The following FHOD3 variants were observed in gnomAD, a reference collection of about 807,000 sequenced individuals.
The protein encoded by FHOD3 is FH1/FH2 domain-containing protein 3.
A neutral mutation model predicts 173.0 loss-of-function variants in FHOD3; 90 were observed. The ratio of observed to expected loss-of-function variants is 0.52; its 90% confidence interval spans 0.44 to 0.62. FHOD3 has a LOEUF of 0.62. FHOD3 is among the 20% of genes least tolerant of loss of function. The pLI is 0.00. For missense variants in FHOD3, 1,945 were observed against 2,034.7 expected (o/e 0.96, Z 0.85); for synonymous variants, 828 against 823.0 (o/e 1.01, Z -0.10).
chr18:36,672,136 T>A (rs1012180352), intron 14 of FHOD3, among the ~76,000 whole-genome samples: 2 of 152,162 alleles, frequency 1.3e-5, no homozygotes, highest in Non-Finnish European at 2.9e-5. Context: ...TGCTAATAGG[T>A]CATATTGTAA....
At chr18:36,550,303 A>G (rs1447042794) in intron 5 of FHOD3, among the ~76,000 whole-genome samples, 1 of 143,656 alleles carries the variant, frequency 7.0e-6, no homozygotes, top group Non-Finnish European at 1.5e-5. Context: ...CATACCATTG[A>G]TCTGTTTGCC....
At chr18:36,769,145 C>G in intron 27 of FHOD3, 120 bp from the exon 28 acceptor site, 3 of 1,192,354 alleles carry the variant, frequency 2.5e-6, no homozygotes, top group Non-Finnish European at 3.6e-6. Flanking sequence ...GGGGCTTTAA[C>G]TCTGGCCTTC....
At chr18:36,416,126 G>A (rs1184059515) in intron 3 of FHOD3, among the ~76,000 whole-genome samples, 6 of 152,094 alleles carry the variant, frequency 3.9e-5, no homozygotes, top group Non-Finnish European at 8.8e-5. Flanking sequence ...TCTGCCTCCC[G>A]GGTTCAAGCA....
chr18:36,398,486 A>G (rs2048657114), intron 3 of FHOD3, among the ~76,000 whole-genome samples: 1 of 152,186 alleles, frequency 6.6e-6, no homozygotes, highest in Admixed American at 6.5e-5. Flanking sequence ...TGTTTTTTTC[A>G]GAAAGAAAAT....
intron 17 of FHOD3, among the ~76,000 whole-genome samples, chr18:36,694,778 A>C (rs973792647): frequency 6.6e-6 from 1 of 152,210 alleles, no homozygotes; most frequent in African/African-American, 2.4e-5. Flanking sequence ...AGTGTCTGTA[A>C]ATGTCATTTG....
At chr18:36,398,244 T>C (rs1806392006) in intron 3 of FHOD3, among the ~76,000 whole-genome samples, 2 of 152,230 alleles carry the variant, frequency 1.3e-5, no homozygotes, top group African/African-American at 2.4e-5. Context: ...AACAATTCAG[T>C]GCTATGAATT....
chr18:36,524,850 A>T (rs1192057755), intron 5 of FHOD3, among the ~76,000 whole-genome samples: 1 of 152,180 alleles, frequency 6.6e-6, no homozygotes, highest in Admixed American at 6.5e-5. Context: ...TTCAGTCATC[A>T]CCAAGTGCTA....
intron 6 of FHOD3, among the ~76,000 whole-genome samples, chr18:36,585,674 G>A (rs2059002824): frequency 6.6e-6 from 1 of 152,172 alleles, no homozygotes; most frequent in Admixed American, 6.5e-5. Context: ...GAGGCTTGCT[G>A]ATAAACCAGA....
intron 1 of FHOD3, among the ~76,000 whole-genome samples, chr18:36,312,046 T>C (rs2092270159): frequency 6.6e-6 from 1 of 151,980 alleles, no homozygotes; most frequent in South Asian, 2.1e-4. Flanking sequence ...TGTCTTACCT[T>C]CCCCCTGCCC....
At chr18:36,525,544 C>A (rs12959841) in intron 5 of FHOD3, among the ~76,000 whole-genome samples, 1 of 151,952 alleles carries the variant, frequency 6.6e-6, no homozygotes, top group South Asian at 2.1e-4. Flanking sequence ...ATTTGTTATA[C>A]AGAGTTAGAA....
At chr18:36,393,027 A>G (rs2048376017) in intron 3 of FHOD3, among the ~76,000 whole-genome samples, 1 of 152,240 alleles carries the variant, frequency 6.6e-6, no homozygotes, top group Non-Finnish European at 1.5e-5. Context: ...CTGTGCTTAG[A>G]GGTCTGAAAA....
chr18:36,372,110 TGA>T (rs758542300), intron 2 of FHOD3, among the ~76,000 whole-genome samples: 1 of 151,918 alleles, frequency 6.6e-6, no homozygotes, highest in Non-Finnish European at 1.5e-5. Context: ...GAAGCAGAGG[TGA>T]GATGTGGTGT....
chr18:36,324,062 A>G (rs2044540337), intron 1 of FHOD3, among the ~76,000 whole-genome samples: 1 of 152,258 alleles, frequency 6.6e-6, no homozygotes, highest in Non-Finnish European at 1.5e-5. Context: ...GTAGTCCCAC[A>G]AGGATAGACA....
intron 1 of FHOD3, among the ~76,000 whole-genome samples, chr18:36,331,914 G>A (rs1309676548): frequency 6.6e-6 from 1 of 152,110 alleles, no homozygotes; most frequent in African/African-American, 2.4e-5. Flanking sequence ...GCAATGGTGG[G>A]CGGGTGGACT....
At chr18:36,334,508 CAG>C (rs756960186) in intron 1 of FHOD3, among the ~76,000 whole-genome samples, 6 of 152,244 alleles carry the variant, frequency 3.9e-5, no homozygotes, top group Admixed American at 1.3e-4. Context: ...AGGACACAAA[CAG>C]GGGGTTTTAA....
chr18:36,761,660 T>G (rs886215158), intron 27 of FHOD3, among the ~76,000 whole-genome samples: 1 of 152,144 alleles, frequency 6.6e-6, no homozygotes. Flanking sequence ...CACCTCATCC[T>G]CTGGGCACTG....
rs184522958 is a variant in FHOD3 at position 36,332,115 on chromosome 18, A to G, written c.166-23424A>G. ...GAGTCCTCTTCTGAGAAAGCTTAACATTGTGCTCACTGTAAAGGAGAAATG... is the reference window on the plus strand; with the variant it reads ...GAGTCCTCTTCTGAGAAAGCTTAACGTTGTGCTCACTGTAAAGGAGAAATG... On this transcript the variant is annotated intron_variant, in intron 1 of 28. Coordinates refer to ENST00000590592, the MANE Select transcript of FHOD3 (RefSeq NM_001281740.3). Among the ~76,000 whole-genome samples the G allele has an allele frequency of 7.9e-3, 1,204 of 152,272 alleles. 4 individuals are homozygous for G. The highest frequency in any genetic ancestry group is 0.014 in the Middle Eastern group (4 of 294).
intron 10 of FHOD3, among the ~76,000 whole-genome samples, chr18:36,636,541 A>G (rs11660710): frequency 0.12 from 18,739 of 152,120 alleles, 1,241 homozygotes; most frequent in Non-Finnish European, 0.14. Flanking sequence ...CCGAGAGAGC[A>G]TACTTCCCAA....
chr18:36,775,923 T>A (rs975314222), intron 28 of FHOD3, among the ~76,000 whole-genome samples: 2 of 152,168 alleles, frequency 1.3e-5, no homozygotes, highest in African/African-American at 4.8e-5. Flanking sequence ...TTCTCTGTTA[T>A]GAGCTTTGAG....
Sources: allele counts gnomAD v4.1 joint callset (sites outside exome capture counted in the v4.1 genomes callset), GRCh38; gene constraint gnomAD v4.1.1; transcripts MANE v1.5; gene names NCBI Gene and HGNC (gene_info 2026-07-23, HGNC 2026-07-21).